ADGRE2: variants seen among roughly 807,000 people sequenced by gnomAD.
The protein encoded by ADGRE2 is adhesion G protein-coupled receptor E2, also known as CD97 antigen.
A neutral mutation model predicts 100.8 loss-of-function variants in ADGRE2; 83 were observed. The observed-to-expected ratio is 0.82, with a 90% CI of 0.69 to 0.99. The LOEUF is 0.99. Ranked by LOEUF, ADGRE2 falls within the 50% of genes least tolerant of loss-of-function variation. ADGRE2 has a pLI of 0.00. For missense variants in ADGRE2, 814 were observed against 1,035.7 expected (o/e 0.79, Z 2.94); for synonymous variants, 355 against 413.0 (o/e 0.86, Z 1.70).
intron 11 of ADGRE2, among the ~76,000 whole-genome samples, chr19:14,759,503 A>ATATATATATTTTTT (rs60789454): frequency 4.5e-5 from 6 of 133,378 alleles, no homozygotes; most frequent in African/African-American, 1.8e-4. Context: ...ATATATATAT[A>ATATATATATTTTTT]TTTTTTTTTT....
chr19:14,725,946 T>G, the ADGRE2 span, among the ~76,000 whole-genome samples: 2 of 152,132 alleles, frequency 1.3e-5, no homozygotes, highest in Non-Finnish European at 2.9e-5. Flanking sequence ...GGGATTCTTG[T>G]GGGGGTACGG....
At chr19:14,728,740 G>A (rs1387434038), downstream of ADGRE2, among the ~76,000 whole-genome samples, 1 of 152,210 alleles carries the variant, frequency 6.6e-6, no homozygotes, top group Admixed American at 6.5e-5. Context: ...AATAAATGCT[G>A]GGTGCTGCAA....
intron 18 of ADGRE2, among the ~76,000 whole-genome samples, chr19:14,745,158 C>G (rs1426037833): frequency 6.6e-6 from 1 of 152,024 alleles, no homozygotes; most frequent in Non-Finnish European, 1.5e-5. Flanking sequence ...TGCCCCCGCC[C>G]CTCAGCTTCC....
At chr19:14,745,952 A>ATTCTGTTTTGTGATCGAATCGTG (rs2043073057) in intron 18 of ADGRE2, among the ~76,000 whole-genome samples, 1 of 152,164 alleles carries the variant, frequency 6.6e-6, no homozygotes, top group Non-Finnish European at 1.5e-5. Context: ...ATCGAATCGT[A>ATTCTGTTTTGTGATCGAATCGTG]TCCTATTTTG....
Position 14,764,431 on chromosome 19 carries a change from A to C in ADGRE2, c.1084+2T>G. ...GAGTCTGGGGCAGACCCAGGGACCTACCTGTGCCTGCAGGATAACTGAAGT... is the reference window on the plus strand; with the variant it reads ...GAGTCTGGGGCAGACCCAGGGACCTCCCTGTGCCTGCAGGATAACTGAAGT... On this transcript the variant is annotated splice_donor_variant, in intron 11 of 20. Transcript: ENST00000315576. LOFTEE classifies it high-confidence loss of function. 1 of 1,612,702 alleles carries C rather than the reference A, an allele frequency of 6.2e-7. No individual in the cohort carries two copies. Among genetic ancestry groups the C allele is most frequent in the Non-Finnish European group, 8.5e-7 (1 of 1,179,746 alleles).
chr19:14,765,380 G>A lies in ADGRE2; in HGVS notation c.846C>T (p.Phe282=), dbSNP rs79043020. The A allele has an allele frequency of 8.5e-4, 1,372 of 1,614,166 alleles. 9 individuals carry two copies. In the African/African-American group the frequency reaches 0.013, roughly 16 times the overall value. Residue 282 remains phenylalanine, a synonymous_variant, in exon 10 of 21, where the codon TTC becomes TTT. Coordinates refer to ENST00000315576, the MANE Select transcript of ADGRE2 (RefSeq NM_013447.4). ...GVHSQTLSRF[F]DKVQDLGRDY... is the part of the protein sequence containing the mutation. ...CTCTGCCCAGGTCCTGGACTTTGTC[G>A]AAGAATCGGGAAAGCGTCTGCAGAG...
rs2044332355 is a variant in ADGRE2, at chr19:14,774,239, C to T, written c.82+17G>A. 4 of 1,543,242 alleles carry T rather than the reference C, an allele frequency of 2.6e-6. No individual in the cohort carries two copies. The highest frequency in any genetic ancestry group is 3.5e-6 in the Non-Finnish European group (4 of 1,137,528). On this transcript the variant is annotated intron_variant, in intron 3 of 20. Coordinates refer to ENST00000315576, the MANE Select transcript of ADGRE2 (RefSeq NM_013447.4). ...CTCTGGCTGTGGACTGTGCTTTCTG[C>T]TTCCCAGCAGACTCACCCCTGGAGT...
rs990641943 is a variant in ADGRE2, at chr19:14,772,384, C to T, written c.313G>A (p.Gly105Arg). The change falls in exon 5 of 21, where the codon GGG becomes AGG. Residue 105 changes from glycine to arginine, a missense_variant. Physicochemically the swap from Gly to Arg is moderately radical, Grantham distance 125. This residue lies in a region of ADGRE2 where 143 missense variants were observed against 160.3 expected (regional missense o/e 0.89). Transcript: ENST00000315576. ...VCSPGYEPVSGAKTFKNESEN... is the reference protein window; with the variant it reads ...VCSPGYEPVSRAKTFKNESEN... ...CTCTCATTCTTGAATGTTTTTGCCC[C>T]AGAAACAGGCTCATATCCTGGGCTG... 2 of 1,613,934 alleles carry T rather than the reference C, an allele frequency of 1.2e-6. No individual in the cohort carries two copies. Among genetic ancestry groups the T allele is most frequent in the African/African-American group, 1.3e-5 (1 of 74,870 alleles).
chr19:14,766,149 T>A, intron 7 of ADGRE2, 86 bp downstream of exon 7: 2 of 1,601,832 alleles, frequency 1.2e-6, no homozygotes, highest in Non-Finnish European at 1.7e-6. Context: ...CCTCCAGCGC[T>A]CATTCTGCTT....
intron 5 of ADGRE2, among the ~76,000 whole-genome samples, chr19:14,769,462 A>G (rs1327561315): frequency 6.6e-6 from 1 of 152,068 alleles, no homozygotes; most frequent in East Asian, 1.9e-4. Context: ...GGTAGACAAA[A>G]AAAACAAGAA....
chr19:14,724,421 C>T, the ADGRE2 span, among the ~76,000 whole-genome samples: 7 of 152,132 alleles, frequency 4.6e-5, no homozygotes, highest in East Asian at 1.9e-4. Flanking sequence ...ATGGCTCACA[C>T]GAGGATGGGT....
Position 14,755,048 on chromosome 19 carries a change from C to A in ADGRE2, c.1496G>T (p.Gly499Val). The A allele has an allele frequency of 6.2e-7, 1 of 1,614,080 alleles. No homozygotes were observed. The highest frequency in any genetic ancestry group is 8.5e-7 in the Non-Finnish European group (1 of 1,180,012). The change falls in exon 14 of 21, where the codon GGC (glycine) becomes GTC (valine). Residue 499 changes from glycine (G) to valine (V), a missense_variant. This residue lies in a region of ADGRE2 where 569 missense variants were observed against 692.7 expected (regional missense o/e 0.82). Transcript: ENST00000315576. ...GTCTCTGGTGCCTATTGTGCTGCAG[C>A]CTGTGGTGGCCCAGTGACCACATCC... ...QNGCGHWATT[G>V]CSTIGTRDTS...
chr19:14,769,475 C>T (rs1216583696), intron 5 of ADGRE2, among the ~76,000 whole-genome samples: 4 of 152,080 alleles, frequency 2.6e-5, no homozygotes, highest in Non-Finnish European at 5.9e-5. Context: ...AACAAGAATG[C>T]TGAGGGGTGA....
chr19:14,754,907 G>A, intron 14 of ADGRE2, 47 bp downstream of exon 14: 1 of 1,586,960 alleles, frequency 6.3e-7, no homozygotes, highest in Non-Finnish European at 8.6e-7. Flanking sequence ...CTGGGGATTT[G>A]TTACACGGCA....
At chr19:14,772,595 A>C (rs1348182288) in intron 4 of ADGRE2, 98 bp from the exon 5 acceptor site, 8 of 1,448,078 alleles carry the variant, frequency 5.5e-6, no homozygotes, top group Middle Eastern at 2.0e-4. Flanking sequence ...CCTGCTGCTT[A>C]GTATCTTTTG....
Position 14,752,250 on chromosome 19 carries a change from A to T in ADGRE2, c.1788+79T>A, listed in dbSNP as rs1046566114. 3.9e-6 allele frequency: 6 copies of T among 1,551,798 alleles called. No individual in the cohort carries two copies. The East Asian group carries it at 1.1e-4, about 29-fold the overall frequency. On this transcript the variant is annotated intron_variant, in intron 15 of 20. Transcript: ENST00000315576. ...GCCCAGCCGGGCTATTATATTAAGG[A>T]ATCAAATGCCGCATCATTCCATGAG...
chr19:14,755,594 C>A, intron 13 of ADGRE2, 60 bp downstream of exon 13: 1 of 1,468,330 alleles, frequency 6.8e-7, no homozygotes, highest in African/African-American at 1.4e-5. Context: ...CTGAGCTGAG[C>A]AGCAAGGCTA....
intron 2 of ADGRE2, among the ~76,000 whole-genome samples, chr19:14,774,654 G>A (rs1420126665): frequency 1.1e-5 from 1 of 92,870 alleles, no homozygotes; most frequent in East Asian, 3.0e-4. Context: ...GACCACAGGT[G>A]AGTACCGCCA....
rs992948774 is a variant in ADGRE2, at chr19:14,734,202, T to C, written c.*2034A>G. ...CAGGCAAGTCACTTAACATTCAGGA[T>C]CTCAATTTCTCTTTTGTAAAACAAA... On this transcript the variant is annotated 3_prime_UTR_variant, in exon 21 of 21. Coordinates refer to ENST00000315576, the MANE Select transcript of ADGRE2 (RefSeq NM_013447.4). 1 of 152,122 alleles carries C rather than the reference T, an allele frequency of 6.6e-6. No individual in the cohort carries two copies. Among genetic ancestry groups the C allele is most frequent in the African/African-American group, 2.4e-5 (1 of 41,390 alleles). The allele number at this position is 152,122 out of a possible 1,614,324, so 9.4% of individuals were successfully genotyped here. A position where few individuals can be genotyped will look rare whatever the true frequency, so the allele number is the denominator to read the frequency against.
Sources: allele counts gnomAD v4.1 joint callset (sites outside exome capture counted in the v4.1 genomes callset), GRCh38; gene constraint gnomAD v4.1.1; regional missense constraint gnomAD v4.1.1; transcripts MANE v1.5; gene names NCBI Gene and HGNC (gene_info 2026-07-23, HGNC 2026-07-21).